The following MEGF11 variants were observed in gnomAD, a reference collection of about 807,000 sequenced individuals.
The protein encoded by MEGF11 is multiple EGF like domains 11, also known as multiple epidermal growth factor-like domains protein 11.
Under a neutral mutation model 146.6 loss-of-function variants are expected in MEGF11, and 126 were observed. That is an observed-to-expected ratio of 0.86 (90% CI 0.74 to 1.00). The LOEUF is 1.00. Ranked by LOEUF, MEGF11 falls within the 50% of genes least tolerant of loss-of-function variation. MEGF11 has a pLI of 0.00. For synonymous variants in MEGF11, 532 were observed against 583.4 expected, an observed-to-expected ratio of 0.91 and a Z score of 1.27; for missense variants, 1,509 against 1,521.2, an observed-to-expected ratio of 0.99 and a Z score of 0.13.
chr15:65,958,458 C>T (rs2080738649), intron 9 of MEGF11, among the ~76,000 whole-genome samples: 1 of 152,188 alleles, frequency 6.6e-6, no homozygotes, highest in African/African-American at 2.4e-5. Context: ...AGCGGGATGC[C>T]AGTTGTAACC....
rs181041928 is a variant in MEGF11, at chr15:65,970,545, A to G, written c.899+8T>C. 175 of 1,613,748 alleles carry G rather than the reference A, an allele frequency of 1.1e-4. No homozygotes were observed. The highest frequency in any genetic ancestry group is 2.5e-4 in the Admixed American group (15 of 59,996). Reference sequence around the variant, plus strand: ...GACAGCAAAGATAACAGTTAACACTATCCTTACCTGTCCCCCATGTATCCA... The same window carrying G: ...GACAGCAAAGATAACAGTTAACACTGTCCTTACCTGTCCCCCATGTATCCA... On this transcript the variant is annotated splice_region_variant and intron_variant, in intron 8 of 25. Transcript: ENST00000395614.
intron 4 of MEGF11, among the ~76,000 whole-genome samples, chr15:66,097,258 G>C (rs2086593387): frequency 6.6e-6 from 1 of 152,234 alleles, no homozygotes; most frequent in Admixed American, 6.5e-5. Context: ...TTGGACACCT[G>C]GTGGGGAGGG....
intron 10 of MEGF11, among the ~76,000 whole-genome samples, chr15:65,950,172 C>T (rs77593068): frequency 0.11 from 16,580 of 152,150 alleles, 994 homozygotes; most frequent in Middle Eastern, 0.18. Context: ...ACAGCAATAA[C>T]AGCTAATGCT....
At chr15:65,965,570 C>CCCTTCCTTCCTT (rs1473366928) in intron 8 of MEGF11, among the ~76,000 whole-genome samples, 1 of 81,846 alleles carries the variant, frequency 1.2e-5, no homozygotes, top group African/African-American at 4.1e-5. Flanking sequence ...CCAGTGAGGT[C>CCCTTCCTTCCTT]CCTTTCTTTC....
At chr15:66,001,367 T>A (rs943036314) in intron 5 of MEGF11, among the ~76,000 whole-genome samples, 1 of 151,856 alleles carries the variant, frequency 6.6e-6, no homozygotes, top group African/African-American at 2.4e-5. Flanking sequence ...TGAGGAAAAA[T>A]AGACACTTCC....
intron 5 of MEGF11, among the ~76,000 whole-genome samples, chr15:66,029,619 G>A (rs993120322): frequency 1.3e-5 from 2 of 152,234 alleles, no homozygotes; most frequent in African/African-American, 2.4e-5. Context: ...TTTCCCCTGA[G>A]GGGCGCAGAC....
At chr15:66,049,800 C>T (rs1036421581) in intron 5 of MEGF11, among the ~76,000 whole-genome samples, 1 of 152,208 alleles carries the variant, frequency 6.6e-6, no homozygotes, top group Non-Finnish European at 1.5e-5. Context: ...GGGTCCTTTT[C>T]CCCACCTGCC....
At chr15:66,021,380 A>G (rs1307386632) in intron 5 of MEGF11, among the ~76,000 whole-genome samples, 1 of 152,242 alleles carries the variant, frequency 6.6e-6, no homozygotes, top group African/African-American at 2.4e-5. Flanking sequence ...TATATGTATG[A>G]GTCTTTATTC....
chr15:66,008,855 T>A (rs2082611743), intron 5 of MEGF11, among the ~76,000 whole-genome samples: 1 of 150,130 alleles, frequency 6.7e-6, no homozygotes, highest in Admixed American at 6.6e-5. Flanking sequence ...TTAAAGGGGC[T>A]ATAAACTAGT....
At chr15:65,911,301 TAAAAG>T (rs2078796567) in intron 21 of MEGF11, among the ~76,000 whole-genome samples, 1 of 152,232 alleles carries the variant, frequency 6.6e-6, no homozygotes, top group South Asian at 2.1e-4. Context: ...TAGGTTCAGA[TAAAAG>T]AAACATTGTG....
At chr15:65,987,148 A>G (rs2141725095) in intron 5 of MEGF11, among the ~76,000 whole-genome samples, 1 of 152,284 alleles carries the variant, frequency 6.6e-6, no homozygotes, top group South Asian at 2.1e-4. Context: ...TTCTTCACCG[A>G]CAGGCTTTTA....
At chr15:65,930,964 T>A in intron 10 of MEGF11, 21 bp from the exon 11 acceptor site, 1 of 1,557,178 alleles carries the variant, frequency 6.4e-7, no homozygotes, top group East Asian at 2.3e-5. Flanking sequence ...AGGGGGTGAA[T>A]TTTGGATCAA....
At chr15:66,065,366 G>A (rs1567224780) in intron 5 of MEGF11, among the ~76,000 whole-genome samples, 1 of 152,048 alleles carries the variant, frequency 6.6e-6, no homozygotes, top group Non-Finnish European at 1.5e-5. Context: ...AAAATGGCAA[G>A]TGTCAACTCC....
chr15:66,250,974 T>C (rs887750970), intron 1 of MEGF11, among the ~76,000 whole-genome samples: 1 of 150,780 alleles, frequency 6.6e-6, no homozygotes, highest in African/African-American at 2.4e-5. Flanking sequence ...CTGGGAATGA[T>C]GAGAAAGGAG....
In MEGF11 at chr15:65,922,844, G is replaced by A. The variant is rs142480684; in HGVS notation, c.1801C>T (p.Arg601Ter). ...DGSCECAPGF[R>*]GPLCQRICPP... ...TTACTTCTCTGGCATAAGGGTCCTC[G>A]GAAGCCAGGGGCACACTCGCAGCTC... The change falls in exon 14 of 26, where the codon CGA becomes TGA. Residue 601 changes from arginine to a stop codon, truncating the protein, a stop_gained. Transcript: ENST00000395614. LOFTEE classifies it high-confidence loss of function. 9.5e-5 allele frequency: 154 copies of A among 1,613,688 alleles called. No homozygotes were observed. The highest frequency in any genetic ancestry group is 1.2e-4 in the Non-Finnish European group (136 of 1,179,842).
chr15:65,993,208 G>T (rs1442639589), intron 5 of MEGF11, among the ~76,000 whole-genome samples: 1 of 152,140 alleles, frequency 6.6e-6, no homozygotes, highest in African/African-American at 2.4e-5. Context: ...AGCAGATAAA[G>T]GTACCTCAGT....
intron 1 of MEGF11, among the ~76,000 whole-genome samples, chr15:66,251,756 A>C (rs986490246): frequency 6.6e-6 from 1 of 152,236 alleles, no homozygotes; most frequent in Admixed American, 6.5e-5. Flanking sequence ...CCCGTATAGC[A>C]GCTCTAAGCA....
At position 66,103,030 on chromosome 15, in the gene MEGF11, G is replaced by T. The variant is rs573190190; in HGVS notation, c.302-8536C>A. Among the ~76,000 whole-genome samples, 3 of 152,308 alleles carry T rather than the reference G, an allele frequency of 2.0e-5. No homozygotes were observed. In the South Asian group the frequency reaches 6.2e-4, roughly 32 times the overall value. On this transcript the variant is annotated intron_variant, in intron 4 of 25. Transcript: ENST00000395614. The stretch of plus-strand genomic sequence containing the variant: ...GTTATTATCCCCTTTACACAAATGA[G>T]GAAACTGAGGCACAGAGGGAATTAA...
intron 1 of MEGF11, among the ~76,000 whole-genome samples, chr15:66,150,003 G>A (rs911732483): frequency 8.5e-5 from 13 of 152,236 alleles, no homozygotes; most frequent in African/African-American, 1.7e-4. Context: ...CGAGCTGTCC[G>A]TTAACAGCAT....
Sources: gnomAD v4.1 joint callset for allele counts (sites outside exome capture counted in the v4.1 genomes callset) on GRCh38, gnomAD v4.1.1 for gene constraint, MANE v1.5 for transcripts, NCBI Gene and HGNC (gene_info 2026-07-23, HGNC 2026-07-21) for gene names.